ERBB4: variants seen among roughly 807,000 people sequenced by gnomAD.
ERBB4 encodes receptor tyrosine-protein kinase erbB-4.
Under a neutral mutation model 158.0 loss-of-function variants are expected in ERBB4, and 42 were observed. The ratio of observed to expected loss-of-function variants is 0.27; its 90% confidence interval spans 0.21 to 0.34. ERBB4 has a LOEUF of 0.34. Among genes scored for constraint, ERBB4 ranks in the 10% least tolerant of loss-of-function variants. The pLI is 1.00. For missense variants in ERBB4, 1,333 were observed against 1,624.1 expected (o/e 0.82, Z 3.08); for synonymous variants, 583 against 558.7 (o/e 1.04, Z -0.61).
At chr2:211,939,779 C>G (rs2080434469) in intron 3 of ERBB4, among the ~76,000 whole-genome samples, 1 of 151,840 alleles carries the variant, frequency 6.6e-6, no homozygotes, top group Non-Finnish European at 1.5e-5. Context: ...AATCCCATCT[C>G]TAATAGAAAT....
At chr2:212,080,694 ACC>A (rs2078417233) in intron 2 of ERBB4, among the ~76,000 whole-genome samples, 1 of 137,496 alleles carries the variant, frequency 7.3e-6, no homozygotes, top group African/African-American at 2.7e-5. Context: ...AAAAAAAAAA[ACC>A]TCTTTATATT....
At position 212,213,078 on chromosome 2, in the gene ERBB4, T is replaced by G. The variant is rs561976959; in HGVS notation, c.83-88175A>C. ...CCAAAATTGACAAATGGGATCTAAT[T>G]AAACTAAAGAGCTTCTGCACAGAAA... On this transcript the variant is annotated intron_variant, in intron 1 of 27. Transcript: ENST00000342788. Among the ~76,000 whole-genome samples the G allele has an allele frequency of 2.0e-5, 3 of 152,146 alleles. No homozygotes were observed. The East Asian group carries it at 5.8e-4, about 29-fold the overall frequency.
chr2:211,687,460 C>CTACA (rs2072609996), intron 12 of ERBB4, among the ~76,000 whole-genome samples: 1 of 152,020 alleles, frequency 6.6e-6, no homozygotes, highest in South Asian at 2.1e-4. Flanking sequence ...GAGTAGAAGT[C>CTACA]TACACTCTCC....
chr2:212,223,288 G>A (rs2083362084), intron 1 of ERBB4, among the ~76,000 whole-genome samples: 1 of 149,094 alleles, frequency 6.7e-6, no homozygotes, highest in Admixed American at 6.8e-5. Flanking sequence ...CAGCTCTATA[G>A]TTACCTTGCA....
At chr2:211,519,617 A>C (rs2066135681) in intron 20 of ERBB4, among the ~76,000 whole-genome samples, 1 of 152,186 alleles carries the variant, frequency 6.6e-6, no homozygotes, top group Admixed American at 6.5e-5. Context: ...TGAATATGAA[A>C]GGTACAAATT....
intron 1 of ERBB4, among the ~76,000 whole-genome samples, chr2:212,269,517 T>G (rs778543663): frequency 6.6e-6 from 1 of 151,746 alleles, no homozygotes; most frequent in Non-Finnish European, 1.5e-5. Flanking sequence ...ATACTTACAG[T>G]GTAGACTTTT....
chr2:211,902,597 CCTT>C (rs1173918990), intron 3 of ERBB4, among the ~76,000 whole-genome samples: 11 of 151,618 alleles, frequency 7.3e-5, no homozygotes, highest in Non-Finnish European at 1.5e-4. Context: ...TTGATTTTTT[CCTT>C]CTTCTTTCCT....
intron 3 of ERBB4, among the ~76,000 whole-genome samples, chr2:211,911,821 CTTT>C (rs201039133): frequency 2.9e-5 from 4 of 137,304 alleles, no homozygotes; most frequent in Non-Finnish European, 3.2e-5. Context: ...TTATTCTTTT[CTTT>C]TTTTTTTTTT....
At chr2:211,860,776 T>G (rs1413742376) in intron 3 of ERBB4, among the ~76,000 whole-genome samples, 1 of 150,258 alleles carries the variant, frequency 6.7e-6, no homozygotes, top group African/African-American at 2.4e-5. Flanking sequence ...TATTCACTCC[T>G]ACATTAACAC....
rs920402293 is a variant in ERBB4, at chr2:212,384,060, T to C, written c.82+154389A>G. ...AGTATCTCTGTGTTGTATTTTAGAA[T>C]AAAGGTGTCCTAAAGGTTATGAGAG... On this transcript the variant is annotated intron_variant, in intron 1 of 27. Transcript: ENST00000342788. Among the ~76,000 whole-genome samples the C allele has an allele frequency of 7.9e-5, 12 of 151,616 alleles. 1 individual carries two copies. The highest frequency in any genetic ancestry group is 4.6e-4 in the Admixed American group (7 of 15,126).
intron 19 of ERBB4, among the ~76,000 whole-genome samples, chr2:211,608,035 T>A (rs1480121099): frequency 2.0e-5 from 3 of 146,708 alleles, no homozygotes; most frequent in Non-Finnish European, 4.5e-5. Context: ...CTCCAGAATC[T>A]TTTTTTTTTT....
Position 212,323,578 on chromosome 2 carries a change from T to G in ERBB4, c.83-198675A>C, listed in dbSNP as rs150650451. Among the ~76,000 whole-genome samples, 128 of 150,538 alleles carry G rather than the reference T, an allele frequency of 8.5e-4. 13 individuals carry two copies. The highest frequency in any genetic ancestry group is 1.3e-3 in the Non-Finnish European group (89 of 67,136). On this transcript the variant is annotated intron_variant, in intron 1 of 27. Coordinates refer to ENST00000342788, the MANE Select transcript of ERBB4 (RefSeq NM_005235.3). ...AGGAAGTGACTTCACCTCTCAAAGT[T>G]TAATAATATAACATAATAATGACAA...
intron 1 of ERBB4, among the ~76,000 whole-genome samples, chr2:212,150,623 CAG>C (rs747242277): frequency 6.8e-4 from 103 of 152,226 alleles, no homozygotes; most frequent in Admixed American, 2.4e-3. Flanking sequence ...GGTTAAGAAA[CAG>C]TGTGCTGAGG....
rs114140603 is a variant in ERBB4 at position 212,268,467 on chromosome 2, A to G, written c.83-143564T>C. Among the ~76,000 whole-genome samples, 1,478 of 152,026 alleles carry G rather than the reference A, an allele frequency of 9.7e-3. 8 individuals are homozygous for G. Among genetic ancestry groups the G allele is most frequent in the Middle Eastern group, 0.031 (9 of 294 alleles). ...ATAAATATATAAATATCTATGTATT[A>G]GCATTTCTATCAAAATACACAGGGA... On this transcript the variant is annotated intron_variant, in intron 1 of 27. Coordinates refer to ENST00000342788, the MANE Select transcript of ERBB4 (RefSeq NM_005235.3).
At chr2:211,737,952 A>G (rs976393701) in intron 5 of ERBB4, among the ~76,000 whole-genome samples, 7 of 152,128 alleles carry the variant, frequency 4.6e-5, no homozygotes, top group African/African-American at 1.7e-4. Flanking sequence ...GCTATTTGCA[A>G]TGTTTGTATT....
intron 1 of ERBB4, among the ~76,000 whole-genome samples, chr2:212,164,549 G>A (rs945172907): frequency 2.6e-5 from 4 of 151,852 alleles, no homozygotes; most frequent in African/African-American, 9.7e-5. Context: ...AACAAAAAAG[G>A]GGGGAAGGAA....
intron 1 of ERBB4, among the ~76,000 whole-genome samples, chr2:212,133,128 G>A (rs2080158270): frequency 6.6e-6 from 1 of 152,010 alleles, no homozygotes; most frequent in African/African-American, 2.4e-5. Context: ...GGAACCCTGA[G>A]AAACACATTT....
intron 1 of ERBB4, among the ~76,000 whole-genome samples, chr2:212,227,835 A>G (rs2083525954): frequency 6.6e-6 from 1 of 151,930 alleles, no homozygotes; most frequent in Admixed American, 6.6e-5. Flanking sequence ...AAAAAAAAAA[A>G]GTCTTATGGG....
intron 1 of ERBB4, among the ~76,000 whole-genome samples, chr2:212,241,608 A>T (rs2084108421): frequency 6.6e-6 from 1 of 152,086 alleles, no homozygotes; most frequent in Admixed American, 6.5e-5. Flanking sequence ...TTTTCCCATC[A>T]TTGGCTTTGG....
Sources: allele counts gnomAD v4.1 joint callset (sites outside exome capture counted in the v4.1 genomes callset), GRCh38; gene constraint gnomAD v4.1.1; transcripts MANE v1.5; gene names NCBI Gene and HGNC (gene_info 2026-07-23, HGNC 2026-07-21).